FXYD6: variants seen among roughly 807,000 people sequenced by gnomAD.
FXYD6 encodes FXYD domain-containing ion transport regulator 6.
Under a neutral mutation model 16.7 loss-of-function variants are expected in FXYD6, and 7 were observed. The ratio of observed to expected loss-of-function variants is 0.42; its 90% confidence interval spans 0.24 to 0.79. The LOEUF (loss-of-function observed/expected upper bound fraction) is 0.79, where lower values mean the gene tolerates loss of function less well. FXYD6 is among the 30% of genes least tolerant of loss of function. The pLI, the probability that FXYD6 is intolerant of heterozygous loss-of-function variation, is 0.28. For synonymous variants in FXYD6, 49 were observed against 43.0 expected (o/e 1.14, Z -0.54); for missense variants, 111 against 116.2 (o/e 0.95, Z 0.21).
At chr11:117,848,482 T>C (rs890369461) in intron 1 of FXYD6, among the ~76,000 whole-genome samples, 5 of 152,104 alleles carry the variant, frequency 3.3e-5, no homozygotes, top group African/African-American at 1.2e-4. Flanking sequence ...ATGAGTGAGA[T>C]TGGTCTGCAG....
chr11:117,846,714 G>T (rs1279626232), intron 1 of FXYD6, among the ~76,000 whole-genome samples: 1 of 152,030 alleles, frequency 6.6e-6, no homozygotes, highest in Non-Finnish European at 1.5e-5. Context: ...TATCTCTTTG[G>T]GTCTCTTGGT....
chr11:117,865,549 T>C (rs1197877022), intron 1 of FXYD6, among the ~76,000 whole-genome samples: 1 of 152,146 alleles, frequency 6.6e-6, no homozygotes, highest in Non-Finnish European at 1.5e-5. Context: ...AGGAAGGAAA[T>C]TCCAACACAT....
chr11:117,854,395 GGCA>G (rs1286058102), intron 1 of FXYD6, among the ~76,000 whole-genome samples: 1 of 152,170 alleles, frequency 6.6e-6, no homozygotes, highest in African/African-American at 2.4e-5. Flanking sequence ...AGGGACAATG[GGCA>G]GCAGTTCAGG....
chr11:117,863,875 A>G (rs1475739938), intron 1 of FXYD6, among the ~76,000 whole-genome samples: 2 of 152,214 alleles, frequency 1.3e-5, no homozygotes, highest in African/African-American at 4.8e-5. Context: ...ATCAAAAAGA[A>G]TAAAATATTT....
chr11:117,842,341 G>A (rs565531848), intron 2 of FXYD6: 48 of 563,452 alleles, frequency 8.5e-5, no homozygotes, highest in African/African-American at 1.3e-4. Flanking sequence ...TGTGACACAC[G>A]GAGAAACCGA....
At position 117,870,627 on chromosome 11, in the gene FXYD6, C is replaced by G. The variant is rs577245130; in HGVS notation, c.-6+5965G>C. Among the ~76,000 whole-genome samples the G allele has an allele frequency of 6.6e-6, 1 of 152,332 alleles. No individual in the cohort carries two copies. Among genetic ancestry groups the G allele is most frequent in the African/African-American group, 2.4e-5 (1 of 41,576 alleles). ...CTTTGCACAATTTCATATTGTCTCC[C>G]TTTTAGGGGTAGAAGTGGCATGAAG... On this transcript the variant is annotated intron_variant, in intron 1 of 7. Transcript: ENST00000526014. This position sits in a 1 kb window ranked among gnomAD's most constrained non-coding sequence, Gnocchi z 4.2.
rs925090088 is a variant in FXYD6 at position 117,870,952 on chromosome 11, T to C, written c.-6+5640A>G. 2.6e-5 allele frequency among the ~76,000 whole-genome samples: 4 copies of C among 152,194 alleles called. No homozygotes were observed. ...GTTGATGTGTGAATGAAAGGACGCTTCAGCATCATTATCCCTTTACATCAA... is the reference window on the plus strand; with the variant it reads ...GTTGATGTGTGAATGAAAGGACGCTCCAGCATCATTATCCCTTTACATCAA... On this transcript the variant is annotated intron_variant, in intron 1 of 7. Transcript: ENST00000526014. This position sits in a 1 kb window ranked among gnomAD's most constrained non-coding sequence, Gnocchi z 4.2.
intron 1 of FXYD6, among the ~76,000 whole-genome samples, chr11:117,858,723 C>CCCTTCCTT (rs761682132): frequency 0.17 from 7,077 of 40,908 alleles, 861 homozygotes; most frequent in Non-Finnish European, 0.22. Context: ...CTCCTTCCTT[C>CCCTTCCTT]CCTTCCTTCC....
rs151107412 is a variant in FXYD6, at chr11:117,864,394, A to G, written c.-6+12198T>C. On this transcript the variant is annotated intron_variant, in intron 1 of 7. Coordinates refer to ENST00000526014, the MANE Select transcript of FXYD6 (RefSeq NM_022003.4). ...CAGGAAAACCAGATGTACACATGCA[A>G]AAGAATAAAGGTAGACCCTTACTTA... Among the ~76,000 whole-genome samples, 382 of 152,356 alleles carry G rather than the reference A, an allele frequency of 2.5e-3. 2 individuals carry two copies. The highest frequency in any genetic ancestry group is 9.1e-3 in the African/African-American group (377 of 41,576).
chr11:117,857,208 A>T (rs2056750995), intron 1 of FXYD6, among the ~76,000 whole-genome samples: 1 of 152,096 alleles, frequency 6.6e-6, no homozygotes, highest in Non-Finnish European at 1.5e-5. Flanking sequence ...TTCTGGAGGC[A>T]TGGGGCCCAA....
intron 1 of FXYD6, among the ~76,000 whole-genome samples, chr11:117,862,503 G>A (rs1300730320): frequency 2.0e-5 from 3 of 152,194 alleles, no homozygotes; most frequent in Non-Finnish European, 4.4e-5. Context: ...CTGGCTACAG[G>A]GCCGCTGCCC....
chr11:117,858,697 T>TCTC (rs2056814342), intron 1 of FXYD6, among the ~76,000 whole-genome samples: 1 of 56,044 alleles, frequency 1.8e-5, no homozygotes, highest in African/African-American at 9.3e-5. Context: ...CTTTCTTTCT[T>TCTC]TCTTTCTCTC....
intron 1 of FXYD6, among the ~76,000 whole-genome samples, chr11:117,867,949 C>T (rs763880626): frequency 6.6e-6 from 1 of 152,102 alleles, no homozygotes; most frequent in Non-Finnish European, 1.5e-5. Context: ...GCCAAGGTAT[C>T]GGTAATTTTG....
intron 5 of FXYD6, 75 bp from the exon 6 acceptor site, chr11:117,840,443 C>G (rs1328042206): frequency 6.3e-7 from 1 of 1,595,630 alleles, no homozygotes; most frequent in Non-Finnish European, 8.6e-7. Context: ...CTGCTCCTCA[C>G]TGGGGCACAG....
Position 117,872,680 on chromosome 11 carries a change from G to A in FXYD6, c.-6+3912C>T, listed in dbSNP as rs1456553622. On this transcript the variant is annotated intron_variant, in intron 1 of 7. Transcript: ENST00000526014. The surrounding 1 kb of genome is among the most constrained non-coding windows in gnomAD (Gnocchi z 4.9). The stretch of plus-strand genomic sequence containing the variant: ...CATTCCCATGGCCCCAGCCTGGTCC[G>A]TGGGGGCCCAGCCCCTTTCCCAGGC... Among the ~76,000 whole-genome samples, 9 of 152,312 alleles carry A rather than the reference G, an allele frequency of 5.9e-5. No individual in the cohort carries two copies. Among genetic ancestry groups the A allele is most frequent in the Admixed American group, 3.3e-4 (5 of 15,304 alleles).
At chr11:117,863,637 A>G (rs1049464133) in intron 1 of FXYD6, among the ~76,000 whole-genome samples, 1 of 152,236 alleles carries the variant, frequency 6.6e-6, no homozygotes, top group African/African-American at 2.4e-5. Flanking sequence ...ATAAACAAAT[A>G]AGTAAAAGGC....
chr11:117,871,736 G>T (rs1486896904), intron 1 of FXYD6, among the ~76,000 whole-genome samples: 1 of 152,150 alleles, frequency 6.6e-6, no homozygotes, highest in East Asian at 1.9e-4. Flanking sequence ...TCCATGCTAG[G>T]CAGCATGCTG....
rs778265171 is a variant in FXYD6 at position 117,842,039 on chromosome 11, A to C, written c.59-11T>G. ...TCTCCTTTTCAGCTGCTGCAAAAAC[A>C]AACAGTTGGTCAAGAGAAAGAAAGC... On this transcript the variant is annotated splice_polypyrimidine_tract_variant and intron_variant, in intron 2 of 7. Transcript: ENST00000526014. The C allele has an allele frequency of 8.7e-6, 14 of 1,614,184 alleles. No homozygotes were observed. Among genetic ancestry groups the C allele is most frequent in the Non-Finnish European group, 1.2e-5 (14 of 1,180,028 alleles).
chr11:117,876,801 G>A (rs2057280303), upstream of FXYD6: 1 of 152,170 alleles, frequency 6.6e-6, no homozygotes, highest in South Asian at 2.1e-4. Context: ...AGCCCACTCC[G>A]TGCTGCCGTC....
Sources: gnomAD v4.1 joint callset for allele counts (sites outside exome capture counted in the v4.1 genomes callset) on GRCh38, gnomAD v4.1.1 for gene constraint, Gnocchi (gnomAD v3.1) non-coding constraint, MANE v1.5 for transcripts, NCBI Gene and HGNC (gene_info 2026-07-23, HGNC 2026-07-21) for gene names.